Variants in CAMK4 observed in about 807,000 individuals in gnomAD.
CAMK4 encodes the protein calcium/calmodulin-dependent protein kinase type IV.
In CAMK4, 22 loss-of-function variants were observed where a neutral mutation model predicts 44.9. The observed-to-expected ratio is 0.49, with a 90% CI of 0.35 to 0.70. The LOEUF is 0.70. Ranked by LOEUF, CAMK4 falls within the 30% of genes least tolerant of loss-of-function variation. The pLI is 0.01. For missense variants in CAMK4, 498 were observed against 586.8 expected, an observed-to-expected ratio of 0.85 and a Z score of 1.56; for synonymous variants, 218 against 215.4, an observed-to-expected ratio of 1.01 and a Z score of -0.11.
chr5:111,312,517 T>G (rs1328772805), intron 1 of CAMK4, among the ~76,000 whole-genome samples: 1 of 152,168 alleles, frequency 6.6e-6, no homozygotes, highest in African/African-American at 2.4e-5. Context: ...CCAAGAGACC[T>G]GAATTTGTTC....
At chr5:111,407,842 T>C (rs1220674210) in intron 5 of CAMK4, among the ~76,000 whole-genome samples, 1 of 152,132 alleles carries the variant, frequency 6.6e-6, no homozygotes, top group East Asian at 1.9e-4. Flanking sequence ...AAAGAATGAC[T>C]AGGCTGGGCA....
At chr5:111,468,591 G>A (rs73789611) in intron 7 of CAMK4, among the ~76,000 whole-genome samples, 1,797 of 152,242 alleles carry the variant, frequency 0.012, 31 homozygotes, top group African/African-American at 0.04. Context: ...GAACTTTATT[G>A]TAAAAATTCT....
At chr5:111,240,466 T>A (rs1390160074) in intron 1 of CAMK4, among the ~76,000 whole-genome samples, 1 of 152,242 alleles carries the variant, frequency 6.6e-6, no homozygotes, top group African/African-American at 2.4e-5. Flanking sequence ...GATACCTAAG[T>A]TGTAAAAGAA....
At chr5:111,397,333 A>G (rs1217959313) in intron 5 of CAMK4, among the ~76,000 whole-genome samples, 2 of 152,238 alleles carry the variant, frequency 1.3e-5, no homozygotes, top group African/African-American at 4.8e-5. Flanking sequence ...AAATCATAGC[A>G]ATGTTCATAA....
At chr5:111,309,706 T>A (rs1748116792) in intron 1 of CAMK4, among the ~76,000 whole-genome samples, 2 of 152,208 alleles carry the variant, frequency 1.3e-5, no homozygotes, top group African/African-American at 2.4e-5. Context: ...TGTCCCTCCA[T>A]GACCACCCTT....
chr5:111,344,177 A>C, intron 2 of CAMK4, 75 bp downstream of exon 2: 1 of 856,676 alleles, frequency 1.2e-6, no homozygotes, highest in Non-Finnish European at 1.9e-6. Context: ...GATTTGAAGA[A>C]CAAAGGGGCC....
intron 5 of CAMK4, among the ~76,000 whole-genome samples, chr5:111,417,044 CTTAA>C (rs1316842078): frequency 6.6e-6 from 1 of 151,990 alleles, no homozygotes; most frequent in African/African-American, 2.4e-5. Flanking sequence ...AATTTATCAA[CTTAA>C]TTTTTTTATT....
chr5:111,267,102 A>G (rs1243679520), intron 1 of CAMK4, among the ~76,000 whole-genome samples: 1 of 152,062 alleles, frequency 6.6e-6, no homozygotes, highest in Non-Finnish European at 1.5e-5. Context: ...CCTGAATCCT[A>G]TTAATATGAT....
chr5:111,446,872 A>G, intron 6 of CAMK4, 96 bp downstream of exon 6: 1 of 771,942 alleles, frequency 1.3e-6, no homozygotes, highest in Admixed American at 1.8e-5. Context: ...CCAGTTTTAC[A>G]TCCATTCAGT....
chr5:111,381,680 G>A (rs1228624503), intron 4 of CAMK4, among the ~76,000 whole-genome samples: 1 of 152,088 alleles, frequency 6.6e-6, no homozygotes, highest in Non-Finnish European at 1.5e-5. Flanking sequence ...ATCCAATCAA[G>A]TTGACACTCA....
chr5:111,360,115 C>A (rs1312211794), intron 2 of CAMK4, among the ~76,000 whole-genome samples: 1 of 152,084 alleles, frequency 6.6e-6, no homozygotes, highest in Non-Finnish European at 1.5e-5. Context: ...CTGAATTCCT[C>A]TTGCTATCAC....
At chr5:111,294,219 A>C (rs1291310541) in intron 1 of CAMK4, among the ~76,000 whole-genome samples, 1 of 152,200 alleles carries the variant, frequency 6.6e-6, no homozygotes, top group Non-Finnish European at 1.5e-5. Context: ...AGCCCCATAC[A>C]TTAATAGGAA....
intron 1 of CAMK4, among the ~76,000 whole-genome samples, chr5:111,310,875 G>T (rs1748173313): frequency 6.6e-6 from 1 of 152,156 alleles, no homozygotes; most frequent in East Asian, 1.9e-4. Context: ...TTTCTGGGCT[G>T]TAGGGATGAT....
At chr5:111,476,537 A>C (rs1339515775) in intron 8 of CAMK4, among the ~76,000 whole-genome samples, 1 of 151,406 alleles carries the variant, frequency 6.6e-6, no homozygotes, top group African/African-American at 2.4e-5. Flanking sequence ...TCAGCCTCCC[A>C]AAGTGCTGGG....
At chr5:111,327,837 C>T (rs999191295) in intron 1 of CAMK4, among the ~76,000 whole-genome samples, 1 of 148,992 alleles carries the variant, frequency 6.7e-6, no homozygotes, top group Non-Finnish European at 1.5e-5. Flanking sequence ...ATATCCTTCG[C>T]CCACTTTTTG....
intron 4 of CAMK4, 63 bp from the exon 5 acceptor site, chr5:111,394,647 C>T (rs1751928693): frequency 1.9e-6 from 2 of 1,068,998 alleles, no homozygotes; most frequent in Non-Finnish European, 2.8e-6. Context: ...TACTTAACTT[C>T]TTTTAATATC....
Position 111,359,654 on chromosome 5 carries a change from G to A in CAMK4, c.241-15196G>A, listed in dbSNP as rs181734050. 3.4e-3 allele frequency among the ~76,000 whole-genome samples: 514 copies of A among 152,138 alleles called. 2 individuals carry two copies. Among genetic ancestry groups the A allele is most frequent in the African/African-American group, 0.012 (494 of 41,504 alleles). On this transcript the variant is annotated intron_variant, in intron 2 of 10. Coordinates refer to ENST00000282356, the MANE Select transcript of CAMK4 (RefSeq NM_001744.6). ...TTGGCATCTTCATCATGAATTCCTT[G>A]CCAATTCCTATGTCCAGAATGGTAT...
upstream of CAMK4, chr5:111,223,864 G>A (rs1009429299): frequency 6.5e-6 from 1 of 152,776 alleles, no homozygotes; most frequent in African/African-American, 2.4e-5. The surrounding 1 kb of genome is among the most constrained non-coding windows in gnomAD (Gnocchi z 4.3). Context: ...TGTTAGGTGG[G>A]AGGGACTCGC....
chr5:111,281,357 A>G (rs1751009805), intron 1 of CAMK4, among the ~76,000 whole-genome samples: 1 of 152,208 alleles, frequency 6.6e-6, no homozygotes, highest in African/African-American at 2.4e-5. Context: ...TAACTAGAAT[A>G]ATGTTTTTCT....
Sources: allele counts gnomAD v4.1 joint callset (sites outside exome capture counted in the v4.1 genomes callset), GRCh38; gene constraint gnomAD v4.1.1; non-coding constraint Gnocchi (gnomAD v3.1); transcripts MANE v1.5; gene names NCBI Gene and HGNC (gene_info 2026-07-23, HGNC 2026-07-21).